HPSE2: variants seen among roughly 807,000 people sequenced by gnomAD.
HPSE2 encodes heparanase 2 (inactive).
In HPSE2, 38 loss-of-function variants were observed where a neutral mutation model predicts 60.5. The ratio of observed to expected loss-of-function variants is 0.63; its 90% CI spans 0.48 to 0.82. The LOEUF is 0.82. HPSE2 is among the 40% of genes least tolerant of loss of function. The probability of loss-of-function intolerance (pLI) is 0.00; values close to 1 mark genes in which losing one functional copy is unlikely to be tolerated. For missense variants in HPSE2, 713 were observed against 740.4 expected, an observed-to-expected ratio of 0.96 and a Z score of 0.43; for synonymous variants, 295 against 293.2, an observed-to-expected ratio of 1.01 and a Z score of -0.06.
At chr10:98,697,012 T>C (rs12219647) in intron 5 of HPSE2, among the ~76,000 whole-genome samples, 90,489 of 151,828 alleles carry the variant, frequency 0.6, 27,420 homozygotes, top group South Asian at 0.78. Context: ...CCTCAAAGAT[T>C]GATAGTAGAC....
At chr10:99,161,416 A>C (rs1564856980) in intron 2 of HPSE2, among the ~76,000 whole-genome samples, 1 of 152,244 alleles carries the variant, frequency 6.6e-6, no homozygotes, top group East Asian at 1.9e-4. Context: ...CCTCAACAAC[A>C]TTAGACTAGA....
At chr10:98,648,292 G>A (rs1288757361) in intron 6 of HPSE2, among the ~76,000 whole-genome samples, 1 of 152,182 alleles carries the variant, frequency 6.6e-6, no homozygotes, top group Non-Finnish European at 1.5e-5. Context: ...TGTACAGGAA[G>A]CTGGGAAAGG....
intron 3 of HPSE2, among the ~76,000 whole-genome samples, chr10:98,905,312 C>G (rs1391002905): frequency 1.4e-5 from 2 of 142,464 alleles, no homozygotes; most frequent in African/African-American, 5.1e-5. Flanking sequence ...CCTCCCCCCT[C>G]CCCCGACCCC....
the HPSE2 span, among the ~76,000 whole-genome samples, chr10:99,313,591 A>ATTTT: frequency 6.1e-5 from 4 of 66,020 alleles, no homozygotes; most frequent in African/African-American, 1.9e-4. Flanking sequence ...GACTGACTCC[A>ATTTT]ATTTTTTTTT....
chr10:99,047,850 TGGCGA>T (rs1957892667), intron 3 of HPSE2: 1 of 779,004 alleles, frequency 1.3e-6, no homozygotes. Flanking sequence ...GAAATTTGAA[TGGCGA>T]GGATGGCAAG....
Position 98,513,850 on chromosome 10 carries a change from C to A in HPSE2, c.1321-23654G>T, listed in dbSNP as rs12264792. Among the ~76,000 whole-genome samples the A allele has an allele frequency of 2.2e-3, 334 of 152,154 alleles. 1 individual carries two copies. Among genetic ancestry groups the A allele is most frequent in the African/African-American group, 7.5e-3 (312 of 41,494 alleles). Reference sequence around the variant, plus strand: ...GCCACTAGGTAAAAGTTTGGTGGTTCCTCAATAAGTTAAATATAGAATCAT... The same window carrying A: ...GCCACTAGGTAAAAGTTTGGTGGTTACTCAATAAGTTAAATATAGAATCAT... On this transcript the variant is annotated intron_variant, in intron 9 of 11. Transcript: ENST00000370552.
chr10:99,239,721 C>T (rs779789410), upstream of HPSE2, among the ~76,000 whole-genome samples: 1 of 151,748 alleles, frequency 6.6e-6, no homozygotes, highest in African/African-American at 2.4e-5. Context: ...TGAGCCACCA[C>T]GCCCAGCCCC....
chr10:98,490,018 G>A, intron 10 of HPSE2, 33 bp downstream of exon 10: 1 of 1,613,722 alleles, frequency 6.2e-7, no homozygotes, highest in Non-Finnish European at 8.5e-7. Context: ...GAGCCCCTCA[G>A]GTGGCCTTTC....
chr10:98,658,392 ATTTTTG>A (rs1261127944), intron 6 of HPSE2, among the ~76,000 whole-genome samples: 2 of 152,160 alleles, frequency 1.3e-5, no homozygotes, highest in African/African-American at 4.8e-5. Flanking sequence ...ACAAGGTGTT[ATTTTTG>A]TTTTTGTTTC....
At chr10:99,020,307 A>G (rs1957234606) in intron 3 of HPSE2, among the ~76,000 whole-genome samples, 1 of 146,534 alleles carries the variant, frequency 6.8e-6, no homozygotes, top group South Asian at 2.1e-4. Flanking sequence ...TAATTATTAA[A>G]TAAATTAAAT....
chr10:99,026,931 T>C (rs552522211), intron 3 of HPSE2, among the ~76,000 whole-genome samples: 1 of 151,620 alleles, frequency 6.6e-6, no homozygotes, highest in South Asian at 2.1e-4. Context: ...CAAATGATAA[T>C]GAAAACACAA....
chr10:98,498,997 G>A lies in HPSE2; in HGVS notation c.1321-8801C>T, dbSNP rs138126057. Among the ~76,000 whole-genome samples, 5 of 152,198 alleles carry A rather than the reference G, an allele frequency of 3.3e-5. No homozygotes were observed. The East Asian group carries it at 5.8e-4, about 18-fold the overall frequency. ...ATGAACAAAGCCTCCAAGAAGTCTC[G>A]GATTATGTTAAATGATGAAACCTAA... On this transcript the variant is annotated intron_variant, in intron 9 of 11. Transcript: ENST00000370552.
intron 9 of HPSE2, among the ~76,000 whole-genome samples, chr10:98,598,180 T>C (rs1945300163): frequency 6.6e-6 from 1 of 152,102 alleles, no homozygotes; most frequent in African/African-American, 2.4e-5. Flanking sequence ...TATCTGCACA[T>C]TTTGAAGAAG....
intron 2 of HPSE2, among the ~76,000 whole-genome samples, chr10:99,226,353 T>C (rs1372728512): frequency 6.6e-6 from 1 of 152,060 alleles, no homozygotes; most frequent in African/African-American, 2.4e-5. Context: ...GTTTTGTCAG[T>C]GTTAATGTTG....
intron 3 of HPSE2, among the ~76,000 whole-genome samples, chr10:98,775,361 C>T (rs1950317017): frequency 6.6e-6 from 1 of 152,196 alleles, no homozygotes; most frequent in African/African-American, 2.4e-5. Flanking sequence ...AACTAGGGCA[C>T]ATCTCCATTG....
intron 9 of HPSE2, among the ~76,000 whole-genome samples, chr10:98,534,611 G>C (rs536939850): frequency 6.6e-6 from 1 of 152,062 alleles, no homozygotes. Flanking sequence ...CACCATGTTG[G>C]CCAGGCTGGT....
At chr10:98,557,738 C>T (rs1409320080) in intron 9 of HPSE2, among the ~76,000 whole-genome samples, 1 of 152,156 alleles carries the variant, frequency 6.6e-6, no homozygotes, top group African/African-American at 2.4e-5. Flanking sequence ...ATCATGAGGT[C>T]AAGAGATCGA....
At position 99,171,939 on chromosome 10, in the gene HPSE2, G is replaced by C. The variant is rs10786513; in HGVS notation, c.449-27540C>G. Among the ~76,000 whole-genome samples the C allele has an allele frequency of 2.0e-5, 3 of 151,928 alleles. No homozygotes were observed. In the East Asian group the frequency reaches 5.8e-4, roughly 29 times the overall value. ...ACTTCACCAAAGGGATTGCCCTTTGGTGTAATCCAAAGCTGCTAAATGCCA... is the reference window on the plus strand; with the variant it reads ...ACTTCACCAAAGGGATTGCCCTTTGCTGTAATCCAAAGCTGCTAAATGCCA... On this transcript the variant is annotated intron_variant, in intron 2 of 11. Coordinates refer to ENST00000370552, the MANE Select transcript of HPSE2 (RefSeq NM_021828.5).
chr10:98,548,633 A>T (rs1297853773), intron 9 of HPSE2, among the ~76,000 whole-genome samples: 1 of 151,988 alleles, frequency 6.6e-6, no homozygotes, highest in African/African-American at 2.4e-5. Flanking sequence ...AAAAAAAAGA[A>T]ATTTAGAGAT....
Sources: gnomAD v4.1 joint callset for allele counts (sites outside exome capture counted in the v4.1 genomes callset) on GRCh38, gnomAD v4.1.1 for gene constraint, MANE v1.5 for transcripts, NCBI Gene and HGNC (gene_info 2026-07-23, HGNC 2026-07-21) for gene names.